Variants in ST18 observed in about 807,000 individuals in gnomAD.
The protein encoded by ST18 is suppression of tumorigenicity 18 protein.
ST18 carries 50 observed loss-of-function variants against 110.0 expected under a neutral mutation model. That is an observed-to-expected ratio of 0.45 (90% CI 0.36 to 0.58). The LOEUF is 0.58. ST18 is among the 20% of genes least tolerant of loss of function. The probability of loss-of-function intolerance (pLI) is 0.00; values close to 1 mark genes in which losing one functional copy is unlikely to be tolerated. For synonymous variants in ST18, 461 were observed against 452.4 expected (o/e 1.02, Z -0.24); for missense variants, 1,306 against 1,280.1 (o/e 1.02, Z -0.31).
intron 24 of ST18, among the ~76,000 whole-genome samples, chr8:52,118,118 G>A (rs1382502188): frequency 3.3e-5 from 5 of 152,090 alleles, no homozygotes; most frequent in African/African-American, 1.2e-4. Context: ...GATGCCACCA[G>A]GGCAAAAACA....
intron 2 of ST18, among the ~76,000 whole-genome samples, chr8:52,298,621 C>T (rs909826098): frequency 6.6e-6 from 1 of 152,148 alleles, no homozygotes; most frequent in Non-Finnish European, 1.5e-5. Context: ...GAGTGAGAAA[C>T]TTTCCTTTGA....
chr8:52,306,954 T>A (rs2360795), intron 2 of ST18, among the ~76,000 whole-genome samples: 43,770 of 152,094 alleles, frequency 0.29, 6,488 homozygotes, highest in Middle Eastern at 0.45. Context: ...ATAGCCCAAC[T>A]TTTATTTGAA....
chr8:52,345,004 T>C (rs2140249697), intron 2 of ST18, among the ~76,000 whole-genome samples: 1 of 152,312 alleles, frequency 6.6e-6, no homozygotes, highest in South Asian at 2.1e-4. Context: ...TGAGCTTAAG[T>C]GACTTTGACT....
intron 24 of ST18, 111 bp from the exon 25 acceptor site, chr8:52,116,529 G>T: frequency 9.5e-7 from 1 of 1,057,304 alleles, no homozygotes; most frequent in Non-Finnish European, 1.4e-6. Context: ...GAGATGCAGA[G>T]ATGCATGCGT....
intron 15 of ST18, among the ~76,000 whole-genome samples, chr8:52,154,081 C>A (rs964002869): frequency 6.6e-6 from 1 of 152,178 alleles, no homozygotes; most frequent in African/African-American, 2.4e-5. Flanking sequence ...GGCTAAAAAG[C>A]CAATTATTAA....
chr8:52,161,750 T>C (rs754700912), intron 13 of ST18, among the ~76,000 whole-genome samples, 182 bp from the exon 14 acceptor site: 6 of 152,086 alleles, frequency 3.9e-5, no homozygotes, highest in African/African-American at 1.2e-4. Flanking sequence ...TAGGGCGAGA[T>C]GGAAAGATGC....
intron 5 of ST18, chr8:52,220,518 G>A (rs1486562343): frequency 1.3e-5 from 2 of 151,900 alleles, no homozygotes; most frequent in Non-Finnish European, 2.9e-5. Flanking sequence ...TATGCAAAAC[G>A]GTTTGTAGGC....
chr8:52,247,806 T>C (rs910917815), intron 2 of ST18, among the ~76,000 whole-genome samples: 11 of 152,200 alleles, frequency 7.2e-5, no homozygotes, highest in East Asian at 1.9e-4. Context: ...AATGATGAGA[T>C]GACATATTAG....
intron 6 of ST18, 158 bp from the exon 7 acceptor site, chr8:52,214,415 C>T: frequency 1.6e-6 from 1 of 629,774 alleles, no homozygotes; most frequent in Non-Finnish European, 2.7e-6. Context: ...TGACTCCCCC[C>T]ACATACCACC....
intron 14 of ST18, among the ~76,000 whole-genome samples, chr8:52,160,655 C>T (rs186309925): frequency 2.6e-5 from 4 of 152,322 alleles, no homozygotes; most frequent in African/African-American, 9.6e-5. Context: ...TATTTACTTT[C>T]ACACCTTTTC....
At position 52,172,566 on chromosome 8, in the gene ST18, G is replaced by T. The variant is rs745777916; in HGVS notation, c.295C>A (p.Pro99Thr). 2 of 1,572,254 alleles carry T rather than the reference G, an allele frequency of 1.3e-6. No individual in the cohort carries two copies. The highest frequency in any genetic ancestry group is 4.5e-5 in the East Asian group (2 of 44,518). Residue 99 changes from proline (P) to threonine (T), a missense_variant, in exon 10 of 26, where the codon CCT becomes ACT. Pro to Thr is a conservative substitution (Grantham distance 38). Transcript: ENST00000689386. The stretch of plus-strand genomic sequence containing the variant: ...GTTGAAAGAAGACTTTCATCCATAG[G>T]TTTTATCATGATTTCCTCTATGGAA... ...HSTAEEIMIKPMDESLLSTAQ... is the reference protein window; with the variant it reads ...HSTAEEIMIKTMDESLLSTAQ...
At position 52,198,690 on chromosome 8, in the gene ST18, T is replaced by C. The variant is rs1039972049; in HGVS notation, c.86+13389A>G. ...TGTGTAATATCTCTATGTGTGAGTGTGTATATGTATATATATGTACACACA... is the reference window on the plus strand; with the variant it reads ...TGTGTAATATCTCTATGTGTGAGTGCGTATATGTATATATATGTACACACA... On this transcript the variant is annotated intron_variant, in intron 8 of 25. Coordinates refer to ENST00000689386, the MANE Select transcript of ST18 (RefSeq NM_001352837.2). 2.4e-4 allele frequency among the ~76,000 whole-genome samples: 36 copies of C among 152,250 alleles called. 1 individual carries two copies. The highest frequency in any genetic ancestry group is 8.7e-4 in the African/African-American group (36 of 41,466).
chr8:52,116,206 C>CGTGGGTA (rs2042478494), intron 25 of ST18, 69 bp downstream of exon 25: 1 of 1,553,790 alleles, frequency 6.4e-7, no homozygotes, highest in Admixed American at 1.8e-5. Context: ...GTGGCAACCC[C>CGTGGGTA]GTGGGTAGAT....
At chr8:52,256,110 TTGC>T (rs1466572899) in intron 2 of ST18, among the ~76,000 whole-genome samples, 2 of 152,224 alleles carry the variant, frequency 1.3e-5, no homozygotes, top group African/African-American at 4.8e-5. Flanking sequence ...AGTCCATCAC[TTGC>T]TTAAATGGGG....
chr8:52,375,988 G>A (rs552900542), intron 2 of ST18, among the ~76,000 whole-genome samples: 2 of 152,154 alleles, frequency 1.3e-5, no homozygotes, highest in East Asian at 3.9e-4. Flanking sequence ...AAATTGTACT[G>A]GCTCTACCTT....
chr8:52,360,440 C>A (rs1295007014), intron 2 of ST18, among the ~76,000 whole-genome samples: 1 of 151,966 alleles, frequency 6.6e-6, no homozygotes, highest in Non-Finnish European at 1.5e-5. Context: ...TATGGTACAT[C>A]TTTTCACATT....
At chr8:52,357,520 T>C (rs967029574) in intron 2 of ST18, among the ~76,000 whole-genome samples, 1 of 150,986 alleles carries the variant, frequency 6.6e-6, no homozygotes, top group Non-Finnish European at 1.5e-5. Context: ...GAAAGAGAGA[T>C]GATTTTACTA....
intron 6 of ST18, among the ~76,000 whole-genome samples, chr8:52,217,231 A>G (rs1342673076): frequency 6.6e-6 from 1 of 152,180 alleles, no homozygotes; most frequent in Non-Finnish European, 1.5e-5. Flanking sequence ...TCATTCTCAT[A>G]TACCTCATTA....
At chr8:52,360,436 A>G (rs1250492517) in intron 2 of ST18, among the ~76,000 whole-genome samples, 3 of 152,146 alleles carry the variant, frequency 2.0e-5, no homozygotes, top group Admixed American at 2.0e-4. Flanking sequence ...ATATTATGGT[A>G]CATCTTTTCA....
Sources: gnomAD v4.1 joint callset for allele counts (sites outside exome capture counted in the v4.1 genomes callset) on GRCh38, gnomAD v4.1.1 for gene constraint, MANE v1.5 for transcripts, NCBI Gene and HGNC (gene_info 2026-07-23, HGNC 2026-07-21) for gene names.